ATP2C1: variants seen among roughly 807,000 people sequenced by gnomAD.
ATP2C1 encodes calcium-transporting ATPase type 2C member 1.
In ATP2C1, 31 loss-of-function variants were observed where a neutral mutation model predicts 120.5. That is an observed-to-expected ratio of 0.26 (90% CI 0.19 to 0.35). The LOEUF (loss-of-function observed/expected upper bound fraction) is 0.35. Ranked by LOEUF, ATP2C1 falls within the 10% of genes least tolerant of loss-of-function variation. The probability of loss-of-function intolerance (pLI) is 1.00; values close to 1 mark genes in which losing one functional copy is unlikely to be tolerated. For missense variants in ATP2C1, 731 were observed against 1,107.5 expected (o/e 0.66, Z 4.83); for synonymous variants, 351 against 358.7 (o/e 0.98, Z 0.24).
At chr3:130,964,234 A>G in intron 13 of ATP2C1, 139 bp downstream of exon 13, 1 of 1,269,044 alleles carries the variant, frequency 7.9e-7, no homozygotes, top group Non-Finnish European at 1.1e-6. Flanking sequence ...ATATGGTTTT[A>G]ACAACCAAAA....
intron 16 of ATP2C1, among the ~76,000 whole-genome samples, chr3:130,968,092 G>T (rs2061135269): frequency 6.6e-6 from 1 of 152,156 alleles, no homozygotes; most frequent in Non-Finnish European, 1.5e-5. Flanking sequence ...GAGGTTGCTT[G>T]AAATGAGAGA....
intron 17 of ATP2C1, among the ~76,000 whole-genome samples, chr3:130,973,908 A>G (rs939090237): frequency 1.3e-5 from 2 of 152,152 alleles, no homozygotes; most frequent in African/African-American, 2.4e-5. Flanking sequence ...TTTCTTAGAT[A>G]TTGGTGGATA....
At chr3:130,993,373 A>T (rs1483952581) in intron 21 of ATP2C1, among the ~76,000 whole-genome samples, 1 of 152,242 alleles carries the variant, frequency 6.6e-6, no homozygotes, top group East Asian at 1.9e-4. Context: ...TTAAAAGGCT[A>T]TGATTATTTA....
At chr3:130,913,006 A>C (rs1036387762) in intron 2 of ATP2C1, among the ~76,000 whole-genome samples, 1 of 146,810 alleles carries the variant, frequency 6.8e-6, no homozygotes, top group African/African-American at 2.5e-5. Context: ...CGCAAGAACA[A>C]AAAACCAAAC....
intron 8 of ATP2C1, among the ~76,000 whole-genome samples, chr3:130,952,129 CT>C (rs1367495942): frequency 1.3e-5 from 2 of 152,104 alleles, no homozygotes; most frequent in Non-Finnish European, 2.9e-5. Context: ...GGAATGTTTT[CT>C]TCTAAAATGT....
intron 2 of ATP2C1, chr3:130,918,228 A>G: frequency 6.8e-7 from 1 of 1,465,170 alleles, no homozygotes; most frequent in Non-Finnish European, 9.5e-7. Flanking sequence ...CTTACTGGGC[A>G]TGAACAAGAG....
At chr3:130,962,302 A>G (rs923294398) in intron 12 of ATP2C1, among the ~76,000 whole-genome samples, 11 of 152,194 alleles carry the variant, frequency 7.2e-5, no homozygotes, top group African/African-American at 1.7e-4. Context: ...ACCAAAGAAG[A>G]TAACTGTTCT....
chr3:130,968,189 C>A (rs1340747103), intron 16 of ATP2C1, among the ~76,000 whole-genome samples: 1 of 152,114 alleles, frequency 6.6e-6, no homozygotes, highest in African/African-American at 2.4e-5. Flanking sequence ...CAGAAAAGCA[C>A]ATTTCTGTAT....
intron 2 of ATP2C1, among the ~76,000 whole-genome samples, chr3:130,898,181 G>A (rs1289865901): frequency 6.6e-6 from 1 of 152,150 alleles, no homozygotes; most frequent in African/African-American, 2.4e-5. Context: ...CTAGTGGATA[G>A]AAATGTAATA....
chr3:130,862,140 A>AT (rs961006271), intron 1 of ATP2C1, among the ~76,000 whole-genome samples: 3,575 of 138,234 alleles, frequency 0.026, 69 homozygotes, highest in East Asian at 0.085. Flanking sequence ...TGCCTGGCTA[A>AT]TTTTTTTTTT....
rs549527440 is a variant in ATP2C1 at position 130,870,903 on chromosome 3, T to C, written c.108+19975T>C. ...AATCATTTGTGCAAGGAAGAGTCAATTGATGCACCAAACTTTATTATTGTT... is the reference window on the plus strand; with the variant it reads ...AATCATTTGTGCAAGGAAGAGTCAACTGATGCACCAAACTTTATTATTGTT... On this transcript the variant is annotated intron_variant, in intron 1 of 26. Coordinates refer to the ATP2C1 transcript ENST00000504381. Among the ~76,000 whole-genome samples, 6 of 152,314 alleles carry C rather than the reference T, an allele frequency of 3.9e-5. No homozygotes were observed. The East Asian group carries it at 5.8e-4, about 15-fold the overall frequency.
At chr3:130,956,083 A>G in intron 10 of ATP2C1, 21 bp from the exon 11 acceptor site, 1 of 1,542,900 alleles carries the variant, frequency 6.5e-7, no homozygotes, top group Non-Finnish European at 9.0e-7. Context: ...TTGTGGTGAC[A>G]CTCTTCTTCA....
chr3:130,888,155 T>C (rs773041196), intron 1 of ATP2C1, among the ~76,000 whole-genome samples: 29 of 152,128 alleles, frequency 1.9e-4, no homozygotes, highest in Non-Finnish European at 4.1e-4. Context: ...CATGGGGGCC[T>C]CATGACTGCC....
intron 2 of ATP2C1, among the ~76,000 whole-genome samples, chr3:130,908,752 A>G (rs2058258099): frequency 6.6e-6 from 1 of 152,108 alleles, no homozygotes; most frequent in South Asian, 2.1e-4. Context: ...TATATATAAT[A>G]TCTGTTGGTC....
chr3:130,904,381 C>CA (rs2058030200), intron 2 of ATP2C1, among the ~76,000 whole-genome samples: 1 of 151,854 alleles, frequency 6.6e-6, no homozygotes, highest in African/African-American at 2.4e-5. Context: ...ATGTTACTGA[C>CA]ACTTTTGAAG....
At chr3:130,850,719 G>C in exon 1 of ATP2C1, 1 of 532,772 alleles carries the variant, frequency 1.9e-6, no homozygotes, top group Non-Finnish European at 3.2e-6. Flanking sequence ...AAGTTGTCGA[G>C]CTACAAACAA....
At chr3:130,852,832 A>T (rs546230135) in intron 1 of ATP2C1, among the ~76,000 whole-genome samples, 4 of 152,358 alleles carry the variant, frequency 2.6e-5, no homozygotes, top group African/African-American at 9.6e-5. Flanking sequence ...AGGGATTGAG[A>T]CTTAGAGCCC....
Position 130,974,329 on chromosome 3 carries a change from G to A in ATP2C1, c.1414-1003G>A, listed in dbSNP as rs12497325. Among the ~76,000 whole-genome samples, 274 of 152,322 alleles carry A rather than the reference G, an allele frequency of 1.8e-3. 4 individuals carry two copies. The highest frequency in any genetic ancestry group is 0.015 in the Admixed American group (236 of 15,296). ...CCCTGTCCCCAAATATCTGCTCATT[G>A]TAGTTACTTGGGAATGCAGGCAGAT... On this transcript the variant is annotated intron_variant, in intron 17 of 27. Coordinates refer to ENST00000510168, the MANE Select transcript of ATP2C1 (RefSeq NM_001378687.1).
rs764807784 is a variant in ATP2C1, at chr3:130,969,246, A to G, written c.1309-46A>G. 2.9e-5 allele frequency: 41 copies of G among 1,393,142 alleles called. No homozygotes were observed. The East Asian group carries it at 8.9e-4, about 30-fold the overall frequency. The allele number at this position is 1,393,142 out of a possible 1,614,324, so 86.3% of individuals were successfully genotyped here. A position where few individuals can be genotyped will look rare whatever the true frequency, so the allele number is the denominator to read the frequency against. On this transcript the variant is annotated intron_variant, in intron 16 of 27. Transcript: ENST00000510168. ...CCCTTGTTCTTTGTTAAAGGAAAAA[A>G]TAATCACATATAGGTGAGAATTAAC...
Sources: gnomAD v4.1 joint callset for allele counts (sites outside exome capture counted in the v4.1 genomes callset) on GRCh38, gnomAD v4.1.1 for gene constraint, MANE v1.5 for transcripts, NCBI Gene and HGNC (gene_info 2026-07-23, HGNC 2026-07-21) for gene names.